Variants in KANSL1 observed in about 807,000 individuals in gnomAD.
KANSL1 encodes the protein MLL1/MLL complex subunit KANSL1.
A neutral mutation model predicts 103.6 loss-of-function variants in KANSL1; 22 were observed. The ratio of observed to expected loss-of-function variants is 0.21; its 90% CI spans 0.15 to 0.30. The LOEUF (loss-of-function observed/expected upper bound fraction) is 0.30, where lower values mean the gene tolerates loss of function less well. Ranked by LOEUF, KANSL1 falls within the 10% of genes least tolerant of loss-of-function variation. The pLI is 1.00. For missense variants in KANSL1, 1,337 were observed against 1,399.8 expected, an observed-to-expected ratio of 0.96 and a Z score of 0.72; for synonymous variants, 600 against 527.6, an observed-to-expected ratio of 1.14 and a Z score of -1.88.
Position 46,142,800 on chromosome 17 carries a change from T to A in KANSL1, c.1289+28055A>T, listed in dbSNP as rs542380793. Among the ~76,000 whole-genome samples, 30 of 152,372 alleles carry A rather than the reference T, an allele frequency of 2.0e-4. No homozygotes were observed. The South Asian group carries it at 6.2e-3, about 32-fold the overall frequency. ...CTGCTTGTTACACTGCTGGTATGACTACAACTGGGAACCTTTTGGAAAGCA... is the reference window on the plus strand; with the variant it reads ...CTGCTTGTTACACTGCTGGTATGACAACAACTGGGAACCTTTTGGAAAGCA... On this transcript the variant is annotated intron_variant, in intron 2 of 14. Coordinates refer to ENST00000432791, the MANE Select transcript of KANSL1 (RefSeq NM_015443.4).
At chr17:46,090,906 C>T (rs977123765) in intron 3 of KANSL1, among the ~76,000 whole-genome samples, 5 of 151,776 alleles carry the variant, frequency 3.3e-5, no homozygotes, top group African/African-American at 1.2e-4. Flanking sequence ...ATAATAAAAG[C>T]TATGTTACTG....
chr17:46,058,716 C>A (rs1008856896), intron 6 of KANSL1, among the ~76,000 whole-genome samples: 3 of 73,146 alleles, frequency 4.1e-5, no homozygotes. Flanking sequence ...TTAAAACACA[C>A]ACACACACAC....
At chr17:46,080,311 TTAAAAAAA>T (rs1394966888) in intron 4 of KANSL1, among the ~76,000 whole-genome samples, 7 of 38,910 alleles carry the variant, frequency 1.8e-4, no homozygotes, top group Admixed American at 5.2e-4. Context: ...AGAGCCTGTC[TTAAAAAAA>T]AAAAAAAAAA....
intron 2 of KANSL1, among the ~76,000 whole-genome samples, chr17:46,130,170 G>A (rs953699400): frequency 3.9e-5 from 3 of 76,676 alleles, no homozygotes; most frequent in Non-Finnish European, 5.3e-5. Flanking sequence ...CTGGGCAAAA[G>A]AATGAGATCC....
intron 6 of KANSL1, among the ~76,000 whole-genome samples, chr17:46,059,478 G>T (rs1442675989): frequency 6.6e-6 from 1 of 151,824 alleles, no homozygotes; most frequent in African/African-American, 2.4e-5. Flanking sequence ...AATTAGCTGG[G>T]CATGGTAGCA....
At chr17:46,126,173 C>T (rs2043547448) in intron 2 of KANSL1, among the ~76,000 whole-genome samples, 1 of 152,122 alleles carries the variant, frequency 6.6e-6, no homozygotes, top group African/African-American at 2.4e-5. Flanking sequence ...TAAAAGTCGG[C>T]CGGGCACAGT....
chr17:46,033,391 C>A lies in KANSL1; in HGVS notation c.2724+12G>T, dbSNP rs777976719. 1 of 1,613,450 alleles carries A rather than the reference C, an allele frequency of 6.2e-7. No individual in the cohort carries two copies. Among genetic ancestry groups the A allele is most frequent in the Non-Finnish European group, 8.5e-7 (1 of 1,179,446 alleles). ...CACACGTGTTCTTCTAACAGAAGAA[C>A]CAGGCCATTACCTCTTCATTCTCCT... is the stretch of plus-strand genomic sequence containing the variant. On this transcript the variant is annotated intron_variant, in intron 12 of 14. Transcript: ENST00000432791.
At chr17:46,069,213 C>G (rs1021466473) in intron 4 of KANSL1, among the ~76,000 whole-genome samples, 1 of 152,100 alleles carries the variant, frequency 6.6e-6, no homozygotes, top group Non-Finnish European at 1.5e-5. Context: ...GGCGTGTGAG[C>G]CACCACACCT....
intron 3 of KANSL1, chr17:46,088,608 G>A (rs563066804): frequency 5.3e-5 from 8 of 152,196 alleles, no homozygotes; most frequent in Admixed American, 2.0e-4. Context: ...AAAAAACAAC[G>A]TAAGAGTCAA....
intron 1 of KANSL1, among the ~76,000 whole-genome samples, chr17:46,176,937 CATTCCTA>C (rs1395161071): frequency 3.0e-4 from 46 of 152,248 alleles, no homozygotes; most frequent in Admixed American, 1.7e-3. Flanking sequence ...AAAAAATTCC[CATTCCTA>C]ATTCCTAAAT....
chr17:46,168,755 A>G (rs1215743408), intron 2 of KANSL1, among the ~76,000 whole-genome samples: 1 of 152,250 alleles, frequency 6.6e-6, no homozygotes, highest in Non-Finnish European at 1.5e-5. Context: ...GTATCAGTTG[A>G]TTTAATTGCA....
chr17:46,134,434 C>G (rs185209143), intron 2 of KANSL1, among the ~76,000 whole-genome samples: 2 of 152,004 alleles, frequency 1.3e-5, no homozygotes, highest in African/African-American at 4.8e-5. Context: ...ACACATTAAA[C>G]GTTTATAATG....
At chr17:46,206,607 C>T (rs1319364913) in intron 1 of KANSL1, among the ~76,000 whole-genome samples, 3 of 152,228 alleles carry the variant, frequency 2.0e-5, no homozygotes, top group Non-Finnish European at 4.4e-5. Flanking sequence ...GCTGGGACAA[C>T]TGAATATTCA....
intron 1 of KANSL1, among the ~76,000 whole-genome samples, chr17:46,176,232 C>T (rs886623715): frequency 2.6e-5 from 4 of 152,210 alleles, no homozygotes; most frequent in Non-Finnish European, 5.9e-5. Flanking sequence ...TTATGACTTA[C>T]ATAAAACTTA....
chr17:46,200,754 T>C (rs947382020), intron 1 of KANSL1, among the ~76,000 whole-genome samples: 1 of 151,828 alleles, frequency 6.6e-6, no homozygotes, highest in Admixed American at 6.6e-5. Context: ...AATATATATA[T>C]ATATATATTT....
intron 14 of KANSL1, 160 bp from the exon 15 acceptor site, chr17:46,031,863 C>A: frequency 1.3e-5 from 14 of 1,041,770 alleles, no homozygotes; most frequent in Non-Finnish European, 2.0e-5. Flanking sequence ...ACCCAGACAA[C>A]TGTATTGATC....
chr17:46,070,728 T>TG (rs2078544035), intron 4 of KANSL1, among the ~76,000 whole-genome samples: 1 of 152,078 alleles, frequency 6.6e-6, no homozygotes, highest in Non-Finnish European at 1.5e-5. Context: ...ATTATGGCAG[T>TG]GATTTGATTT....
At position 46,066,714 on chromosome 17, in the gene KANSL1, T is replaced by C. The variant is rs769241683; in HGVS notation, c.1671A>G (p.Ala557=). Residue 557 remains alanine, a synonymous_variant, in exon 6 of 15, where the codon GCA becomes GCG. Coordinates refer to ENST00000432791, the MANE Select transcript of KANSL1 (RefSeq NM_015443.4). ...CAGAGCTGTCACCTGGAATGTGGTC[T>C]GCCAAGACAGGCTGAAGACTATACA... ...GVINTLQPVL[A]DHIPGDSSDA... 4 of 1,613,842 alleles carry C rather than the reference T, an allele frequency of 2.5e-6. No individual in the cohort carries two copies. In the African/African-American group the frequency reaches 4.0e-5, roughly 16 times the overall value.
intron 2 of KANSL1, among the ~76,000 whole-genome samples, chr17:46,160,299 C>T (rs1466168027): frequency 1.3e-5 from 2 of 152,162 alleles, no homozygotes; most frequent in Admixed American, 1.3e-4. Context: ...CCCTCCTCTA[C>T]CCATCCAACT....
Sources: allele counts gnomAD v4.1 joint callset (sites outside exome capture counted in the v4.1 genomes callset), GRCh38; gene constraint gnomAD v4.1.1; transcripts MANE v1.5; gene names NCBI Gene and HGNC (gene_info 2026-07-23, HGNC 2026-07-21).